Variants in TMEM130 observed in about 807,000 individuals in gnomAD.
TMEM130 encodes transmembrane protein 130.
A neutral mutation model predicts 42.9 loss-of-function variants in TMEM130; 37 were observed. The observed-to-expected ratio is 0.86, with a 90% CI of 0.66 to 1.13. The LOEUF (loss-of-function observed/expected upper bound fraction) is 1.13, where lower values mean the gene tolerates loss of function less well. TMEM130 is among the 50% of genes most tolerant of loss of function. The pLI is 0.00. For missense variants in TMEM130, 545 were observed against 562.6 expected, an observed-to-expected ratio of 0.97 and a Z score of 0.32; for synonymous variants, 259 against 237.7, an observed-to-expected ratio of 1.09 and a Z score of -0.82.
intron 1 of TMEM130, among the ~76,000 whole-genome samples, chr7:98,863,897 T>A (rs2116128200): frequency 6.7e-6 from 1 of 149,774 alleles, no homozygotes; most frequent in Admixed American, 6.7e-5. Flanking sequence ...TCTCTCTCAC[T>A]CTCTCTCTCT....
intron 1 of TMEM130, among the ~76,000 whole-genome samples, chr7:98,867,802 C>T (rs111575597): frequency 6.6e-6 from 1 of 152,174 alleles, no homozygotes; most frequent in Non-Finnish European, 1.5e-5. Context: ...TGTCACAGCC[C>T]CTGGGTGATG....
rs1486451239 is a variant in TMEM130 at position 98,852,679 on chromosome 7, T to C, written c.804-1056A>G. 4.0e-5 allele frequency among the ~76,000 whole-genome samples: 6 copies of C among 151,724 alleles called. No individual in the cohort carries two copies. The East Asian group carries it at 1.2e-3, about 30-fold the overall frequency. On this transcript the variant is annotated intron_variant, in intron 5 of 7. Transcript: ENST00000339375. ...GTGCGATCTCCGCTCACTGCAACCT[T>C]TGCCTCCTGGGTTCAAGTGAGTCTT...
intron 5 of TMEM130, among the ~76,000 whole-genome samples, chr7:98,852,322 G>A (rs540961892): frequency 4.0e-4 from 61 of 152,144 alleles, no homozygotes; most frequent in African/African-American, 1.4e-3. Context: ...TAAAGACAGG[G>A]TTTCGCCATG....
At chr7:98,861,952 T>C (rs1554399830) in intron 2 of TMEM130, among the ~76,000 whole-genome samples, 3 of 152,200 alleles carry the variant, frequency 2.0e-5, no homozygotes, top group Non-Finnish European at 4.4e-5. Context: ...TTTTTTAATA[T>C]GTAATTTTAC....
chr7:98,851,950 T>A (rs1176457493), intron 5 of TMEM130, among the ~76,000 whole-genome samples: 1 of 151,918 alleles, frequency 6.6e-6, no homozygotes, highest in Non-Finnish European at 1.5e-5. Flanking sequence ...CCCCTTTTTG[T>A]GTTTTGCATT....
In TMEM130 at chr7:98,869,701, C is replaced by A; in HGVS notation, c.85+76G>T. 9.0e-7 allele frequency: 1 copy of A among 1,109,190 alleles called. No homozygotes were observed. Among genetic ancestry groups the A allele is most frequent in the South Asian group, 2.4e-5 (1 of 41,614 alleles). The allele number at this position is 1,109,190 out of a possible 1,614,324, so 68.7% of individuals were successfully genotyped here. On this transcript the variant is annotated intron_variant, in intron 1 of 7. Transcript: ENST00000339375. The surrounding 1 kb of genome is among the most constrained non-coding windows in gnomAD (Gnocchi z 4.7). ...ACCTCCGCAATCCCTGCTCCCGGGCCCACTCGCCCGCTGAGACGGTTCCAG... is the reference window on the plus strand; with the variant it reads ...ACCTCCGCAATCCCTGCTCCCGGGCACACTCGCCCGCTGAGACGGTTCCAG...
chr7:98,863,422 CTG>C lies in TMEM130; in HGVS notation c.86-24_86-23del, dbSNP rs782202175. On this transcript the variant is annotated intron_variant, in intron 1 of 7. Coordinates refer to ENST00000339375, the MANE Select transcript of TMEM130 (RefSeq NM_152913.3). The stretch of plus-strand genomic sequence containing the variant: ...AGGCCTAGGAGCCCAGAAACAAAGA[CTG>C]TGTTTCAGAATGGTGTGTGGCAAGG... 19 of 1,547,548 alleles carry C rather than the reference CTG, an allele frequency of 1.2e-5. No individual in the cohort carries two copies. The East Asian group carries it at 2.5e-4, about 20-fold the overall frequency.
rs150729628 is a variant in TMEM130 at position 98,851,578 on chromosome 7, C to A, written c.849G>T (p.Pro283=). Residue 283 remains proline (P), a synonymous_variant, in exon 6 of 8, where the codon CCG becomes CCT. Coordinates refer to ENST00000339375, the MANE Select transcript of TMEM130 (RefSeq NM_152913.3). ...VCWRLKPECL[P]LEEGECHPVS... ...CAGGGTGGCACTCCCCTTCCTCCAGCGGGAGGCACTCAGGCTTGAGACGCC... is the reference window on the plus strand; with the variant it reads ...CAGGGTGGCACTCCCCTTCCTCCAGAGGGAGGCACTCAGGCTTGAGACGCC... 4.3e-6 allele frequency: 7 copies of A among 1,613,558 alleles called. No individual in the cohort carries two copies. The highest frequency in any genetic ancestry group is 5.1e-6 in the Non-Finnish European group (6 of 1,179,730).
intron 3 of TMEM130, among the ~76,000 whole-genome samples, chr7:98,858,738 G>A (rs1415545419): frequency 6.6e-6 from 1 of 152,058 alleles, no homozygotes; most frequent in African/African-American, 2.4e-5. Flanking sequence ...TGTAATCCCA[G>A]CCACTCAGGA....
In TMEM130 at chr7:98,856,503, TTTGTTTTTG is replaced by T. The variant is rs1242666179; in HGVS notation, c.552-329_552-321del. Among the ~76,000 whole-genome samples the T allele has an allele frequency of 5.3e-5, 8 of 152,280 alleles. No individual in the cohort carries two copies. In the East Asian group the frequency reaches 1.5e-3, roughly 29 times the overall value. On this transcript the variant is annotated intron_variant, in intron 3 of 7. Coordinates refer to ENST00000339375, the MANE Select transcript of TMEM130 (RefSeq NM_152913.3). The stretch of plus-strand genomic sequence containing the variant: ...CAGAAGAATTTTTTGTCAAAAATTT[TTTGTTTTTG>T]TTGTTTTTGTTTTTTGAGACAGGGT...
chr7:98,848,270 C>G (rs781796243), intron 7 of TMEM130, 62 bp from the exon 8 acceptor site: 1 of 1,600,176 alleles, frequency 6.2e-7, no homozygotes, highest in African/African-American at 1.3e-5. Context: ...TCCCACGGGT[C>G]AATCACCCAC....
chr7:98,869,506 C>A lies in TMEM130; in HGVS notation c.85+271G>T, dbSNP rs1554401064. On this transcript the variant is annotated intron_variant, in intron 1 of 7. Transcript: ENST00000339375. The surrounding 1 kb of genome is among the most constrained non-coding windows in gnomAD (Gnocchi z 4.7). ...GACGGATGCGCCGGCCACCCCCGCG[C>A]GGTTTCCAGGGCAGGGCCAGCCTGG... 6.6e-6 allele frequency among the ~76,000 whole-genome samples: 1 copy of A among 152,218 alleles called. No homozygotes were observed. The highest frequency in any genetic ancestry group is 1.5e-5 in the Non-Finnish European group (1 of 68,040).
At chr7:98,849,466 C>T (rs1454617516) in intron 6 of TMEM130, among the ~76,000 whole-genome samples, 1 of 152,152 alleles carries the variant, frequency 6.6e-6, no homozygotes, top group African/African-American at 2.4e-5. Context: ...GTCTTCTCTG[C>T]AGAATTCAGG....
At chr7:98,856,521 G>A (rs1794638838) in intron 3 of TMEM130, among the ~76,000 whole-genome samples, 1 of 152,120 alleles carries the variant, frequency 6.6e-6, no homozygotes, top group South Asian at 2.1e-4. Flanking sequence ...TGTTGTTTTT[G>A]TTTTTTGAGA....
intron 3 of TMEM130, among the ~76,000 whole-genome samples, chr7:98,859,346 C>T (rs1309099913): frequency 6.6e-6 from 1 of 152,108 alleles, no homozygotes; most frequent in African/African-American, 2.4e-5. Flanking sequence ...TGGGTTCTAC[C>T]TCGTATCCAC....
intron 6 of TMEM130, among the ~76,000 whole-genome samples, chr7:98,850,271 A>ATTTTTTTTTTTTTTTTTT (rs1290884464): frequency 3.0e-5 from 1 of 33,880 alleles, no homozygotes; most frequent in African/African-American, 7.7e-5. Flanking sequence ...ATATATATAT[A>ATTTTTTTTTTTTTTTTTT]TATTTTTTTT....
intron 2 of TMEM130, 109 bp downstream of exon 2, chr7:98,862,986 C>T (rs1794820075): frequency 8.2e-7 from 1 of 1,216,212 alleles, no homozygotes; most frequent in Admixed American, 2.3e-5. Context: ...GGCCTAATCC[C>T]CCAGAACCTA....
chr7:98,848,100 G>C lies in TMEM130; in HGVS notation c.1228C>G (p.Leu410Val), dbSNP rs782249662. The change falls in exon 8 of 8, where the codon CTG (leucine) becomes GTG (valine). Residue 410 changes from leucine to valine, a missense_variant. Transcript: ENST00000339375. Reference protein sequence around the residue: ...YLEIVRENHGLLPPLYKSVKT... With the variant: ...YLEIVRENHGVLPPLYKSVKT... ...ACAGACTTATAGAGGGGCGGGAGCA[G>C]CCCGTGGTTCTCACGAACAATTTCC... is the stretch of plus-strand genomic sequence containing the variant. The C allele has an allele frequency of 6.2e-7, 1 of 1,613,968 alleles. No homozygotes were observed. The highest frequency in any genetic ancestry group is 8.5e-7 in the Non-Finnish European group (1 of 1,180,018).
At chr7:98,852,833 G>C (rs1484782268) in intron 5 of TMEM130, among the ~76,000 whole-genome samples, 1 of 152,150 alleles carries the variant, frequency 6.6e-6, no homozygotes, top group Non-Finnish European at 1.5e-5. Context: ...CTGACCTCAA[G>C]TGATCCACCC....
Sources: gnomAD v4.1 joint callset for allele counts (sites outside exome capture counted in the v4.1 genomes callset) on GRCh38, gnomAD v4.1.1 for gene constraint, Gnocchi (gnomAD v3.1) non-coding constraint, MANE v1.5 for transcripts, NCBI Gene and HGNC (gene_info 2026-07-23, HGNC 2026-07-21) for gene names.